LCLAT1: variants seen among roughly 807,000 people sequenced by gnomAD.
LCLAT1 encodes lysocardiolipin acyltransferase 1, also known as 1-AGP acyltransferase 8.
In LCLAT1, 11 loss-of-function variants were observed where a neutral mutation model predicts 30.7. That is an observed-to-expected ratio of 0.36 (90% CI 0.23 to 0.59). The LOEUF is 0.59. LCLAT1 is among the 20% of genes least tolerant of loss of function. LCLAT1 has a pLI of 0.77. For synonymous variants in LCLAT1, 155 were observed against 151.3 expected (o/e 1.02, Z -0.18); for missense variants, 402 against 458.6 (o/e 0.88, Z 1.13).
At chr2:30,561,663 A>T (rs1035081596) in intron 3 of LCLAT1, among the ~76,000 whole-genome samples, 2 of 152,218 alleles carry the variant, frequency 1.3e-5, no homozygotes, top group Non-Finnish European at 2.9e-5. Context: ...CTAACATTGA[A>T]AATAGCAGTT....
rs558211278 is a variant in LCLAT1, at chr2:30,641,753, A to G, written c.*1134A>G. 1 of 152,294 alleles carries G rather than the reference A, an allele frequency of 6.6e-6. No homozygotes were observed. The highest frequency in any genetic ancestry group is 2.4e-5 in the African/African-American group (1 of 41,554). 9.4% of individuals were successfully genotyped at this position (152,294 alleles called of 1,614,324 possible). ...TTCCTTTTTCAATAGTAATATTTAA[A>G]CCCACTTTTGACCAATTGTTTGCCC... On this transcript the variant is annotated 3_prime_UTR_variant, in exon 6 of 6. Transcript: ENST00000379509.
intron 3 of LCLAT1, among the ~76,000 whole-genome samples, chr2:30,538,061 A>G (rs1663887067): frequency 6.6e-6 from 1 of 152,184 alleles, no homozygotes; most frequent in South Asian, 2.1e-4. Flanking sequence ...ACCGAAACCT[A>G]TAGGATACAG....
intron 1 of LCLAT1, among the ~76,000 whole-genome samples, chr2:30,483,905 A>G (rs2148315020): frequency 6.6e-6 from 1 of 152,312 alleles, no homozygotes; most frequent in Non-Finnish European, 1.5e-5. Flanking sequence ...GCCACTAAAT[A>G]GTTCAGTGAT....
intron 5 of LCLAT1, among the ~76,000 whole-genome samples, chr2:30,634,228 A>G (rs1668911849): frequency 6.6e-6 from 1 of 152,248 alleles, no homozygotes; most frequent in African/African-American, 2.4e-5. Flanking sequence ...ATAAAATATT[A>G]AAATATGAAA....
At chr2:30,584,285 T>C (rs1206185607) in intron 5 of LCLAT1, among the ~76,000 whole-genome samples, 1 of 152,226 alleles carries the variant, frequency 6.6e-6, no homozygotes, top group African/African-American at 2.4e-5. Flanking sequence ...TGTTAGCCTG[T>C]TGACTACCCT....
chr2:30,478,691 G>C (rs1024828306), intron 1 of LCLAT1, among the ~76,000 whole-genome samples: 1 of 144,412 alleles, frequency 6.9e-6, no homozygotes, highest in African/African-American at 2.9e-5. Context: ...AGATAGATAG[G>C]TAGGTAGGTA....
At chr2:30,618,281 G>A (rs1019855693) in intron 5 of LCLAT1, among the ~76,000 whole-genome samples, 45 of 152,068 alleles carry the variant, frequency 3.0e-4, no homozygotes, top group African/African-American at 1.1e-3. Flanking sequence ...CTTAGAATCA[G>A]TTTGTTAATT....
chr2:30,495,848 A>G (rs879080573), intron 1 of LCLAT1, among the ~76,000 whole-genome samples: 9 of 152,126 alleles, frequency 5.9e-5, no homozygotes, highest in Admixed American at 4.6e-4. Context: ...TTTTTTGATG[A>G]GGTAGGTGGT....
chr2:30,501,440 TTG>T (rs1684383491), intron 1 of LCLAT1, among the ~76,000 whole-genome samples: 1 of 152,150 alleles, frequency 6.6e-6, no homozygotes, highest in Admixed American at 6.6e-5. Context: ...TATGAGCAGT[TTG>T]TGTTTTAAAG....
chr2:30,522,662 A>C (rs183277264), intron 1 of LCLAT1, among the ~76,000 whole-genome samples: 1 of 152,328 alleles, frequency 6.6e-6, no homozygotes, highest in Admixed American at 6.5e-5. Flanking sequence ...GAAAATCAAC[A>C]AATGATTGAA....
intron 4 of LCLAT1, among the ~76,000 whole-genome samples, chr2:30,567,287 T>C (rs1226971863): frequency 6.6e-6 from 1 of 152,212 alleles, no homozygotes; most frequent in Non-Finnish European, 1.5e-5. Context: ...AGAAAATGTA[T>C]AAAAATCGAT....
intron 5 of LCLAT1, among the ~76,000 whole-genome samples, chr2:30,598,574 T>TTAAC (rs1667036760): frequency 6.6e-6 from 1 of 152,302 alleles, no homozygotes; most frequent in South Asian, 2.1e-4. Flanking sequence ...GTCTATTTTA[T>TTAAC]TAACTTTTTC....
intron 1 of LCLAT1, among the ~76,000 whole-genome samples, chr2:30,493,195 G>A (rs1318121828): frequency 1.3e-5 from 2 of 152,164 alleles, no homozygotes; most frequent in Non-Finnish European, 2.9e-5. Context: ...TGTGAGCAGA[G>A]ACTTAAAGTA....
intron 5 of LCLAT1, among the ~76,000 whole-genome samples, chr2:30,626,306 A>G (rs1361333618): frequency 6.6e-6 from 1 of 152,186 alleles, no homozygotes; most frequent in African/African-American, 2.4e-5. Context: ...AAGATAAAAT[A>G]TACTTTGTTA....
At chr2:30,610,264 A>G (rs1667672028) in intron 5 of LCLAT1, among the ~76,000 whole-genome samples, 1 of 152,134 alleles carries the variant, frequency 6.6e-6, no homozygotes. Context: ...GGGCAAAGCA[A>G]TACATTATAA....
chr2:30,621,443 C>G (rs547092324), intron 5 of LCLAT1, among the ~76,000 whole-genome samples: 32 of 152,094 alleles, frequency 2.1e-4, no homozygotes, highest in African/African-American at 7.5e-4. Flanking sequence ...GGGTAGGAGG[C>G]AGAACTAACT....
At chr2:30,500,272 T>C (rs977243715) in intron 1 of LCLAT1, among the ~76,000 whole-genome samples, 6 of 152,214 alleles carry the variant, frequency 3.9e-5, no homozygotes, top group Non-Finnish European at 5.9e-5. Context: ...CTATAATACA[T>C]ACATAAGAAA....
At chr2:30,490,712 T>TA in intron 1 of LCLAT1, among the ~76,000 whole-genome samples, 1 of 152,342 alleles carries the variant, frequency 6.6e-6, no homozygotes, top group East Asian at 1.9e-4. Flanking sequence ...TCTTACTTGT[T>TA]TTCAACAAAT....
At chr2:30,575,409 T>A (rs1461882450) in intron 5 of LCLAT1, among the ~76,000 whole-genome samples, 1 of 152,180 alleles carries the variant, frequency 6.6e-6, no homozygotes, top group African/African-American at 2.4e-5. Context: ...TTTTTAAAGA[T>A]GACCTAATTT....
Sources: gnomAD v4.1 joint callset for allele counts (sites outside exome capture counted in the v4.1 genomes callset) on GRCh38, gnomAD v4.1.1 for gene constraint, MANE v1.5 for transcripts, NCBI Gene and HGNC (gene_info 2026-07-23, HGNC 2026-07-21) for gene names.